ELOVL2: variants seen among roughly 807,000 people sequenced by gnomAD.
ELOVL2 encodes ELOVL fatty acid elongase 2, also known as very long chain fatty acid elongase 2.
In ELOVL2, 38 loss-of-function variants were observed where a neutral mutation model predicts 37.7. The observed-to-expected ratio is 1.01, with a 90% CI of 0.78 to 1.32. ELOVL2 has a LOEUF of 1.32. Ranked by LOEUF, ELOVL2 falls within the 40% of genes most tolerant of loss-of-function variation. The pLI, the probability that ELOVL2 is intolerant of heterozygous loss-of-function variation, is 0.00. For synonymous variants in ELOVL2, 115 were observed against 122.3 expected (o/e 0.94, Z 0.40); for missense variants, 352 against 363.6 (o/e 0.97, Z 0.26).
In ELOVL2 at chr6:11,000,204, C is replaced by T. The variant is rs990687516; in HGVS notation, c.256-40G>A. 3.8e-6 allele frequency: 6 copies of T among 1,579,380 alleles called. No individual in the cohort carries two copies. In the Admixed American group the frequency reaches 5.0e-5, roughly 13 times the overall value. On this transcript the variant is annotated intron_variant, in intron 3 of 7. Coordinates refer to ENST00000354666, the MANE Select transcript of ELOVL2 (RefSeq NM_017770.4). ...AGAAAGAAAGAAAAACAAACATCAGCACAAGAATTTGGATACAGACTGAAT... is the reference window on the plus strand; with the variant it reads ...AGAAAGAAAGAAAAACAAACATCAGTACAAGAATTTGGATACAGACTGAAT...
Position 10,995,085 on chromosome 6 carries a change from T to A in ELOVL2, c.427A>T (p.Thr143Ser). ...GCATGATGATATACATGAAGAAAAGTAATCTGACTCGTTTTTTTCCGCAAA... is the reference window on the plus strand; with the variant it reads ...GCATGATGATATACATGAAGAAAAGAAATCTGACTCGTTTTTTTCCGCAAA... Reference protein sequence around the residue: ...FVLRKKTSQITFLHVYHHASM... With the variant: ...FVLRKKTSQISFLHVYHHASM... The change falls in exon 5 of 8, where the codon ACT becomes TCT. Residue 143 changes from threonine (T) to serine (S), a missense_variant. Thr to Ser is a moderately conservative substitution (Grantham distance 58). Transcript: ENST00000354666. The A allele has an allele frequency of 6.2e-7, 1 of 1,613,382 alleles. No homozygotes were observed. The highest frequency in any genetic ancestry group is 8.5e-7 in the Non-Finnish European group (1 of 1,179,376).
chr6:10,993,857 ATTTTTTTTTTT>A (rs530539525), intron 5 of ELOVL2, among the ~76,000 whole-genome samples: 2,049 of 79,134 alleles, frequency 0.026, 59 homozygotes, highest in African/African-American at 0.083. Context: ...CGCCCAGCTA[ATTTTTTTTTTT>A]TTTTTTTTTT....
chr6:11,014,979 C>T (rs1782647924), intron 1 of ELOVL2, among the ~76,000 whole-genome samples: 1 of 152,174 alleles, frequency 6.6e-6, no homozygotes, highest in Non-Finnish European at 1.5e-5. Flanking sequence ...TCCCAAATGT[C>T]CATCAACAGG....
At chr6:11,012,902 T>A (rs963505680) in intron 1 of ELOVL2, among the ~76,000 whole-genome samples, 1 of 152,150 alleles carries the variant, frequency 6.6e-6, no homozygotes, top group East Asian at 1.9e-4. Context: ...AATAAAAAAA[T>A]TGCAGTACCA....
chr6:11,036,996 G>C (rs1783016983), intron 1 of ELOVL2, among the ~76,000 whole-genome samples: 2 of 151,190 alleles, frequency 1.3e-5, no homozygotes, highest in South Asian at 4.2e-4. Flanking sequence ...AGACAGAGGA[G>C]GCAGAGAGGG....
At chr6:11,021,929 T>C (rs1244838448) in intron 1 of ELOVL2, among the ~76,000 whole-genome samples, 1 of 152,096 alleles carries the variant, frequency 6.6e-6, no homozygotes, top group Non-Finnish European at 1.5e-5. Flanking sequence ...GGTGCGTTGG[T>C]GGAGTGTCAG....
At chr6:10,987,991 C>T (rs1782080047) in intron 7 of ELOVL2, among the ~76,000 whole-genome samples, 1 of 152,014 alleles carries the variant, frequency 6.6e-6, no homozygotes, top group Admixed American at 6.6e-5. Flanking sequence ...AGGGCTAAGG[C>T]TTTGAATGCC....
In ELOVL2 at chr6:10,995,519, G is replaced by A. The variant is rs371762144; in HGVS notation, c.334-341C>T. ...CAGCCTCCTGCAAGCTCCCCACCAC[G>A]GTGTCCTGTGTGCTGGAACAGTGGC... On this transcript the variant is annotated intron_variant, in intron 4 of 7. Transcript: ENST00000354666. 2.9e-4 allele frequency among the ~76,000 whole-genome samples: 44 copies of A among 152,256 alleles called. No homozygotes were observed. The South Asian group carries it at 6.8e-3, about 24-fold the overall frequency.
chr6:11,012,614 G>T (rs981595655), intron 1 of ELOVL2, among the ~76,000 whole-genome samples: 1 of 152,092 alleles, frequency 6.6e-6, no homozygotes, highest in African/African-American at 2.4e-5. Context: ...AACGCTAAAG[G>T]TCACAAAGCC....
At chr6:10,992,002 T>C (rs1251029074) in intron 5 of ELOVL2, among the ~76,000 whole-genome samples, 1 of 152,214 alleles carries the variant, frequency 6.6e-6, no homozygotes, top group African/African-American at 2.4e-5. Flanking sequence ...CTGTACACAG[T>C]GATGATTTGG....
chr6:11,032,835 T>C (rs1782951809), intron 1 of ELOVL2, among the ~76,000 whole-genome samples: 1 of 152,192 alleles, frequency 6.6e-6, no homozygotes, highest in Non-Finnish European at 1.5e-5. Flanking sequence ...AACATGCAAT[T>C]GAGACGACGC....
intron 1 of ELOVL2, among the ~76,000 whole-genome samples, chr6:11,014,019 C>G (rs1360184865): frequency 6.6e-6 from 1 of 152,118 alleles, no homozygotes; most frequent in Non-Finnish European, 1.5e-5. Flanking sequence ...CTTGCCCTTA[C>G]AAGAAAGTCT....
Position 11,044,152 on chromosome 6 carries a change from C to T in ELOVL2, c.3+76G>A, listed in dbSNP as rs979554063. The T allele has an allele frequency of 3.5e-6, 5 of 1,417,808 alleles. No homozygotes were observed. The highest frequency in any genetic ancestry group is 3.7e-6 in the Non-Finnish European group (4 of 1,081,522). 87.8% of individuals were successfully genotyped at this position (1,417,808 alleles called of 1,614,324 possible). Reference sequence around the variant, plus strand: ...CGCCCGCGCCGGCGCCCGCTCGGCCCTTTCCCGCCCGGTGCGTGGGTCCAG... The same window carrying T: ...CGCCCGCGCCGGCGCCCGCTCGGCCTTTTCCCGCCCGGTGCGTGGGTCCAG... On this transcript the variant is annotated intron_variant, in intron 1 of 7. Coordinates refer to ENST00000354666, the MANE Select transcript of ELOVL2 (RefSeq NM_017770.4). The surrounding 1 kb of genome is among the most constrained non-coding windows in gnomAD (Gnocchi z 5.6).
intron 5 of ELOVL2, among the ~76,000 whole-genome samples, 189 bp from the exon 6 acceptor site, chr6:10,990,631 T>A (rs548506008): frequency 6.6e-6 from 1 of 151,286 alleles, no homozygotes; most frequent in East Asian, 2.0e-4. Context: ...AAAAACTCCA[T>A]GATAGAAGGA....
At chr6:10,985,789 C>A (rs1026494357) in intron 7 of ELOVL2, among the ~76,000 whole-genome samples, 1 of 152,058 alleles carries the variant, frequency 6.6e-6, no homozygotes, top group African/African-American at 2.4e-5. Flanking sequence ...CGTGATGCCT[C>A]CAACTTTGTT....
intron 1 of ELOVL2, among the ~76,000 whole-genome samples, chr6:11,021,914 A>G (rs1361696459): frequency 3.3e-5 from 5 of 152,064 alleles, no homozygotes; most frequent in Admixed American, 6.6e-5. Context: ...AGCTCATCCT[A>G]AGGAGGTGCG....
chr6:11,030,487 T>TG (rs1782913552), intron 1 of ELOVL2, among the ~76,000 whole-genome samples: 1 of 152,098 alleles, frequency 6.6e-6, no homozygotes, highest in South Asian at 2.1e-4. Flanking sequence ...CAAATCTTTT[T>TG]TTTGTTTGTT....
chr6:11,009,625 T>C (rs191212892), intron 2 of ELOVL2, among the ~76,000 whole-genome samples: 9 of 152,260 alleles, frequency 5.9e-5, no homozygotes, highest in Admixed American at 1.3e-4. Flanking sequence ...GCTCAGGGAA[T>C]AGCACGTAAA....
chr6:11,000,184 G>A lies in ELOVL2; in HGVS notation c.256-20C>T. The A allele has an allele frequency of 6.2e-7, 1 of 1,610,598 alleles. No individual in the cohort carries two copies. The highest frequency in any genetic ancestry group is 8.5e-7 in the Non-Finnish European group (1 of 1,176,996). On this transcript the variant is annotated intron_variant, in intron 3 of 7. Transcript: ENST00000354666. ...AATGAGCTGCCAAAGAACCAAGAAA[G>A]AAAGAAAAACAAACATCAGCACAAG...
Sources: gnomAD v4.1 joint callset for allele counts (sites outside exome capture counted in the v4.1 genomes callset) on GRCh38, gnomAD v4.1.1 for gene constraint, Gnocchi (gnomAD v3.1) non-coding constraint, MANE v1.5 for transcripts, NCBI Gene and HGNC (gene_info 2026-07-23, HGNC 2026-07-21) for gene names.